Variants in TRPM5 observed in about 807,000 individuals in gnomAD.
The protein encoded by TRPM5 is transient receptor potential cation channel subfamily M member 5.
TRPM5 carries 121 observed loss-of-function variants against 124.9 expected under a neutral mutation model. The ratio of observed to expected loss-of-function variants is 0.97; its 90% CI spans 0.84 to 1.13. The LOEUF is 1.13. Ranked by LOEUF, TRPM5 falls within the 50% of genes most tolerant of loss-of-function variation. The probability of loss-of-function intolerance (pLI) is 0.00; values close to 1 mark genes in which losing one functional copy is unlikely to be tolerated. For synonymous variants in TRPM5, 781 were observed against 700.5 expected, an observed-to-expected ratio of 1.11 and a Z score of -1.81; for missense variants, 1,643 against 1,589.1, an observed-to-expected ratio of 1.03 and a Z score of -0.58.
the TRPM5 span, among the ~76,000 whole-genome samples, chr11:2,432,276 CCT>C: frequency 6.6e-6 from 1 of 152,242 alleles, no homozygotes; most frequent in African/African-American, 2.4e-5. Flanking sequence ...CCTCCAGCGG[CCT>C]CTGTCTTCTT....
At chr11:2,434,888 C>T in the TRPM5 span, among the ~76,000 whole-genome samples, 8 of 152,230 alleles carry the variant, frequency 5.3e-5, no homozygotes, top group African/African-American at 1.4e-4. Context: ...AGCACCACAC[C>T]GCCACTCATC....
the TRPM5 span, among the ~76,000 whole-genome samples, chr11:2,430,696 A>T: frequency 5.7e-5 from 5 of 87,218 alleles, no homozygotes; most frequent in African/African-American, 1.4e-4. Context: ...GTGGTGATGG[A>T]GGCGGTGTTG....
At position 2,417,192 on chromosome 11, in the gene TRPM5, C is replaced by G. The variant is rs113959558; in HGVS notation, c.1009+535G>C. On this transcript the variant is annotated intron_variant, in intron 7 of 23. Coordinates refer to ENST00000155858, the Ensembl canonical transcript of TRPM5. ...AATTGGCTAGTGCGGTGGCTCACGC[C>G]TGTAACCTCAGCACTTTGGGAGGCC... Among the ~76,000 whole-genome samples, 877 of 152,296 alleles carry G rather than the reference C, an allele frequency of 5.8e-3. 3 individuals are homozygous for G. Among genetic ancestry groups the G allele is most frequent in the Non-Finnish European group, 7.5e-3 (507 of 68,034 alleles).
rs759818354 is a variant in TRPM5 at position 2,413,048 on chromosome 11, C to A, written c.2097-36G>T. On this transcript the variant is annotated intron_variant, in intron 14 of 23. Transcript: ENST00000155858. ...GAGAAGTTCGCAGTGGTGAGGCTGG[C>A]GCCCAGCCGGGTGCCCCACCAGAGT... is the stretch of plus-strand genomic sequence containing the variant. The A allele has an allele frequency of 1.7e-5, 27 of 1,569,588 alleles. No homozygotes were observed. In the South Asian group the frequency reaches 3.0e-4, roughly 18 times the overall value.
chr11:2,405,168 C>G (rs1267964764), intron 23 of TRPM5, 125 bp from the exon 29 acceptor site: 1 of 750,638 alleles, frequency 1.3e-6, no homozygotes, highest in Non-Finnish European at 2.2e-6. Flanking sequence ...CCCCACAGGC[C>G]AGCCTGGGGA....
chr11:2,413,181 C>G, exon 14 of TRPM5: 1 of 1,551,730 alleles, frequency 6.4e-7, no homozygotes, highest in Non-Finnish European at 8.7e-7. Context: ...CCAGGCTGTC[C>G]AGGTCCTGCA....
intron 8 of TRPM5, 123 bp downstream of exon 13, chr11:2,415,783 G>T (rs1046593821): frequency 4.0e-6 from 3 of 752,602 alleles, no homozygotes; most frequent in Non-Finnish European, 6.5e-6. Context: ...GTCTTGCCCC[G>T]GACCTTGGGA....
At position 2,420,405 on chromosome 11, in the gene TRPM5, CCTGCG is replaced by C; in HGVS notation, c.466-5_466-1del. 6.2e-7 allele frequency: 1 copy of C among 1,605,172 alleles called. No homozygotes were observed. Among genetic ancestry groups the C allele is most frequent in the South Asian group, 1.1e-5 (1 of 90,824 alleles). On this transcript the variant is annotated splice_acceptor_variant and splice_polypyrimidine_tract_variant and intron_variant, in intron 3 of 23. Transcript: ENST00000155858. LOFTEE classifies it high-confidence loss of function. ...TCAGGGTAGTGGACAGGAAAATCCT[CCTGCG>C]CCCATGCAGGGAGACGAGGCTGAGC...
intron 4 of TRPM5, among the ~76,000 whole-genome samples, chr11:2,419,276 C>A (rs1007994248): frequency 5.9e-5 from 9 of 152,084 alleles, no homozygotes; most frequent in African/African-American, 2.2e-4. Context: ...CGCCTGTGTC[C>A]CTAGAGTTTG....
chr11:2,442,429 T>C, the TRPM5 span, among the ~76,000 whole-genome samples: 2 of 148,132 alleles, frequency 1.4e-5, no homozygotes, highest in Non-Finnish European at 3.0e-5. This position sits in a 1 kb window ranked among gnomAD's most constrained non-coding sequence, Gnocchi z 5.9. Context: ...ACAGAGTTCT[T>C]TGGGATCCTT....
the TRPM5 span, among the ~76,000 whole-genome samples, chr11:2,430,358 G>A: frequency 6.6e-6 from 1 of 152,200 alleles, no homozygotes; most frequent in Non-Finnish European, 1.5e-5. Context: ...GTTTGCTGAG[G>A]CCACCCCAGC....
At chr11:2,415,093 C>T (rs1193508488) in intron 9 of TRPM5, 28 bp downstream of exon 14, 19 of 1,583,340 alleles carry the variant, frequency 1.2e-5, no homozygotes, top group Non-Finnish European at 1.5e-5. Context: ...CCAGCCTCGC[C>T]CTCCATCCCC....
intron 7 of TRPM5, among the ~76,000 whole-genome samples, chr11:2,416,341 A>G (rs1845676797): frequency 6.6e-6 from 1 of 152,220 alleles, no homozygotes; most frequent in Non-Finnish European, 1.5e-5. Flanking sequence ...CTGAAGGTCC[A>G]GGACACCCTT....
rs372751105 is a variant in TRPM5, at chr11:2,407,326, C to G, written c.2937-26G>C. On this transcript the variant is annotated intron_variant, in intron 19 of 23. Coordinates refer to ENST00000155858, the Ensembl canonical transcript of TRPM5. Reference sequence around the variant, plus strand: ...CTGCAGGGGCACAGCTGAGCCGTCACCTACCGGCTCCCCACGACCACTTGG... The same window carrying G: ...CTGCAGGGGCACAGCTGAGCCGTCAGCTACCGGCTCCCCACGACCACTTGG... The G allele has an allele frequency of 2.4e-4, 374 of 1,590,092 alleles. 1 individual carries two copies. The highest frequency in any genetic ancestry group is 3.0e-4 in the Non-Finnish European group (357 of 1,171,346).
rs758343962 is a variant in TRPM5 at position 2,411,533 on chromosome 11, G to A, written c.2608-7C>T. On this transcript the variant is annotated splice_region_variant and splice_polypyrimidine_tract_variant and intron_variant, in intron 17 of 23. Transcript: ENST00000155858. ...AGAAGAAGACGTCCTTCATCTCCACGGGGCAGGGGCAGAGAGAGGGACGTC... is the reference window on the plus strand; with the variant it reads ...AGAAGAAGACGTCCTTCATCTCCACAGGGCAGGGGCAGAGAGAGGGACGTC... 1.5e-5 allele frequency: 24 copies of A among 1,605,604 alleles called. 1 individual carries two copies. Among genetic ancestry groups the A allele is most frequent in the Middle Eastern group, 1.7e-4 (1 of 6,056 alleles).
chr11:2,414,009 G>GGGGCCCCCCCCCCCCCCCCCCCCCCCCC, intron 12 of TRPM5, 52 bp downstream of exon 17: 2 of 1,023,730 alleles, frequency 2.0e-6, no homozygotes, highest in South Asian at 1.5e-5. Flanking sequence ...GGCCCAGCTC[G>GGGGCCCCCCCCCCCCCCCCCCCCCCCCC]CCCGCCCACC....
chr11:2,422,264 C>T, exon 2 of TRPM5: 1 of 1,612,436 alleles, frequency 6.2e-7, no homozygotes, highest in Non-Finnish European at 8.5e-7. Context: ...AGGTGCCACT[C>T]AGCAAGCAGC....
chr11:2,435,920 C>T, the TRPM5 span, among the ~76,000 whole-genome samples: 4 of 152,242 alleles, frequency 2.6e-5, no homozygotes, highest in Admixed American at 6.5e-5. The surrounding 1 kb of genome is among the most constrained non-coding windows in gnomAD (Gnocchi z 4.1). Context: ...AGGATGCCCA[C>T]ACTCTGGGGA....
At chr11:2,414,009 G>GGGGGGCGCCCCCCC in intron 12 of TRPM5, 52 bp downstream of exon 17, 1 of 1,023,732 alleles carries the variant, frequency 9.8e-7, no homozygotes, top group African/African-American at 1.6e-5. Context: ...GGCCCAGCTC[G>GGGGGGCGCCCCCCC]CCCGCCCACC....
Sources: allele counts gnomAD v4.1 joint callset (sites outside exome capture counted in the v4.1 genomes callset), GRCh38; gene constraint gnomAD v4.1.1; non-coding constraint Gnocchi (gnomAD v3.1); transcripts MANE v1.5; gene names NCBI Gene and HGNC (gene_info 2026-07-23, HGNC 2026-07-21).